RAP1GAP: variants seen among roughly 807,000 people sequenced by gnomAD.
The protein encoded by RAP1GAP is RAP1 GTPase activating protein, also known as rap1 GTPase-activating protein 1.
In RAP1GAP, 35 loss-of-function variants were observed where a neutral mutation model predicts 87.2. That is an observed-to-expected ratio of 0.40 (90% CI 0.31 to 0.53). The LOEUF (loss-of-function observed/expected upper bound fraction) is 0.53. Among genes scored for constraint, RAP1GAP ranks in the 20% least tolerant of loss-of-function variants. RAP1GAP has a pLI of 0.48. For synonymous variants in RAP1GAP, 375 were observed against 363.9 expected (o/e 1.03, Z -0.35); for missense variants, 734 against 898.9 (o/e 0.82, Z 2.35).
chr1:21,621,956 G>A (rs1051293435), intron 3 of RAP1GAP, among the ~76,000 whole-genome samples: 35 of 152,174 alleles, frequency 2.3e-4, no homozygotes, highest in African/African-American at 8.2e-4. Flanking sequence ...TGACACACGC[G>A]AGGGCTCTGA....
intron 3 of RAP1GAP, 143 bp downstream of exon 3, chr1:21,626,160 AC>A: frequency 1.5e-6 from 1 of 688,840 alleles, no homozygotes; most frequent in East Asian, 2.8e-5. Context: ...AGGAGTGGCA[AC>A]CCCTTAGGAG....
At position 21,603,069 on chromosome 1, in the gene RAP1GAP, A is replaced by C. The variant is rs538790572; in HGVS notation, c.1429-156T>G. Reference sequence around the variant, plus strand: ...TATCCATTCCCAGAGACAGCCTCCCAGTTTACGAAAGGGAAACAGTCCCCA... The same window carrying C: ...TATCCATTCCCAGAGACAGCCTCCCCGTTTACGAAAGGGAAACAGTCCCCA... On this transcript the variant is annotated intron_variant, in intron 18 of 24. Coordinates refer to ENST00000374765, the MANE Select transcript of RAP1GAP (RefSeq NM_002885.4). This position sits in a 1 kb window ranked among gnomAD's most constrained non-coding sequence, Gnocchi z 6.0. 1 of 603,790 alleles carries C rather than the reference A, an allele frequency of 1.7e-6. No individual in the cohort carries two copies. The highest frequency in any genetic ancestry group is 2.9e-6 in the Non-Finnish European group (1 of 344,074). The allele number at this position is 603,790 out of a possible 1,614,324, so 37.4% of individuals were successfully genotyped here. A position where few individuals can be genotyped will look rare whatever the true frequency, so the allele number is the denominator to read the frequency against.
At chr1:21,650,442 C>T (rs544525280) in intron 1 of RAP1GAP, among the ~76,000 whole-genome samples, 76 of 152,192 alleles carry the variant, frequency 5.0e-4, no homozygotes, top group East Asian at 5.8e-4. Context: ...GTAGCACTCC[C>T]GCCCCGCCCA....
At chr1:21,665,533 TG>T (rs2097313078) in intron 1 of RAP1GAP, among the ~76,000 whole-genome samples, 2 of 152,230 alleles carry the variant, frequency 1.3e-5, no homozygotes, top group African/African-American at 4.8e-5. Context: ...TATCATGTTT[TG>T]CTTCCTTTCT....
At chr1:21,608,803 T>C (rs1255546610) in intron 16 of RAP1GAP, 47 bp downstream of exon 16, 14 of 1,547,298 alleles carry the variant, frequency 9.0e-6, no homozygotes, top group Admixed American at 1.7e-5. Flanking sequence ...AAGTTATAGG[T>C]TGGAAGGTGA....
At chr1:21,650,531 T>C (rs1431813032) in intron 1 of RAP1GAP, among the ~76,000 whole-genome samples, 2 of 152,046 alleles carry the variant, frequency 1.3e-5, no homozygotes, top group African/African-American at 4.8e-5. Flanking sequence ...AACAAACAAC[T>C]CGCCTCCTGC....
chr1:21,645,783 G>A (rs2095998430), intron 2 of RAP1GAP, among the ~76,000 whole-genome samples: 1 of 152,236 alleles, frequency 6.6e-6, no homozygotes, highest in Admixed American at 6.5e-5. Context: ...CCAGCGGGCT[G>A]TGCCTGCTTG....
intron 22 of RAP1GAP, 67 bp downstream of exon 22, chr1:21,598,333 C>T (rs571898032): frequency 9.9e-6 from 14 of 1,409,492 alleles, no homozygotes; most frequent in African/African-American, 9.9e-5. Context: ...GGAACTGGTG[C>T]CCAGCCCTGT....
chr1:21,610,211 G>C lies in RAP1GAP; in HGVS notation c.908C>G (p.Pro303Arg). The change falls in exon 14 of 25, where the codon CCT (proline) becomes CGT (arginine). Residue 303 changes from proline to arginine, a missense_variant. Pro to Arg is a moderately radical substitution (Grantham distance 103). Coordinates refer to ENST00000374765, the MANE Select transcript of RAP1GAP (RefSeq NM_002885.4). ...VAVVFQDENT[P>R]FVPDMIASNF... ...GGACGCGATCATGTCGGGCACGAAA[G>C]GAGTGTTCTCATCCTGGAAGACCAC... 2.5e-6 allele frequency: 4 copies of C among 1,614,184 alleles called. No homozygotes were observed. The highest frequency in any genetic ancestry group is 3.4e-6 in the Non-Finnish European group (4 of 1,180,022).
At chr1:21,606,673 T>C (rs974022418) in intron 17 of RAP1GAP, among the ~76,000 whole-genome samples, 1 of 152,172 alleles carries the variant, frequency 6.6e-6, no homozygotes, top group Non-Finnish European at 1.5e-5. Context: ...TCCCACCCTC[T>C]TTCCTTGTTT....
At chr1:21,604,843 AGATG>A (rs369644872) in intron 18 of RAP1GAP, among the ~76,000 whole-genome samples, 35,396 of 121,342 alleles carry the variant, frequency 0.29, 5,530 homozygotes, top group Non-Finnish European at 0.34. Flanking sequence ...GGATGGATAG[AGATG>A]GATGGATGGA....
Position 21,617,314 on chromosome 1 carries a change from G to A in RAP1GAP, c.283C>T (p.Leu95Phe), listed in dbSNP as rs751885330. The change falls in exon 7 of 25, where the codon CTC becomes TTC. Residue 95 changes from leucine to phenylalanine, a missense_variant. This residue lies in a region of RAP1GAP where 485 missense variants were observed against 646.2 expected (regional missense o/e 0.75). Transcript: ENST00000374765. Reference protein sequence around the residue: ...PTARIYRKHFLGKEHFNYYSL... With the variant: ...PTARIYRKHFFGKEHFNYYSL... Reference sequence around the variant, plus strand: ...ACCAGCCGGCCACCCACCTTGCCGAGAAAGTGCTTCCGGTAGATGCGGGCT... The same window carrying A: ...ACCAGCCGGCCACCCACCTTGCCGAAAAAGTGCTTCCGGTAGATGCGGGCT... The A allele has an allele frequency of 8.9e-6, 14 of 1,574,514 alleles. No homozygotes were observed. The South Asian group carries it at 1.0e-4, about 12-fold the overall frequency.
intron 1 of RAP1GAP, among the ~76,000 whole-genome samples, chr1:21,664,480 C>G (rs765341724): frequency 6.6e-6 from 1 of 152,192 alleles, no homozygotes; most frequent in African/African-American, 2.4e-5. Flanking sequence ...ATGAATCCAA[C>G]CCAGTGTCCA....
At position 21,599,587 on chromosome 1, in the gene RAP1GAP, C is replaced by T. The variant is rs536126430; in HGVS notation, c.1683G>A (p.Ala561=). The T allele has an allele frequency of 8.1e-6, 13 of 1,607,972 alleles. No homozygotes were observed. The highest frequency in any genetic ancestry group is 1.7e-4 in the Middle Eastern group (1 of 5,902). Residue 561 remains alanine (A), a synonymous_variant, in exon 21 of 25, where the codon GCG becomes GCA. Coordinates refer to ENST00000374765, the MANE Select transcript of RAP1GAP (RefSeq NM_002885.4). The part of the protein sequence containing the change: ...RAETAAQRAE[A]LKDFSRSSSS... ...ACGAGGAGCGGGAGAAGTCCTTGAGCGCCTCTGCTCTCTGCGCTGCGGTCT... is the reference window on the plus strand; with the variant it reads ...ACGAGGAGCGGGAGAAGTCCTTGAGTGCCTCTGCTCTCTGCGCTGCGGTCT...
intron 2 of RAP1GAP, among the ~76,000 whole-genome samples, chr1:21,636,907 A>G (rs2094783027): frequency 9.0e-6 from 1 of 111,454 alleles, no homozygotes; most frequent in South Asian, 3.4e-4. Context: ...GAAGGAGGGA[A>G]GGAAGGAAGG....
chr1:21,599,646 T>A (rs751196560), intron 20 of RAP1GAP, 29 bp from the exon 21 acceptor site: 1 of 1,590,056 alleles, frequency 6.3e-7, no homozygotes, highest in African/African-American at 1.3e-5. Flanking sequence ...CATTAGCCGG[T>A]GTCCACCCCG....
intron 2 of RAP1GAP, among the ~76,000 whole-genome samples, chr1:21,632,741 A>C (rs1345717193): frequency 6.7e-6 from 1 of 149,642 alleles, no homozygotes; most frequent in Non-Finnish European, 1.5e-5. Flanking sequence ...CTTTACAAAA[A>C]AATTAAAAAC....
Position 21,613,006 on chromosome 1 carries a change from G to A in RAP1GAP, c.528+170C>T, listed in dbSNP as rs1001744417. The A allele has an allele frequency of 1.4e-6, 1 of 723,892 alleles. No homozygotes were observed. The highest frequency in any genetic ancestry group is 2.4e-6 in the Non-Finnish European group (1 of 413,966). The allele number at this position is 723,892 out of a possible 1,614,324, so 44.8% of individuals were successfully genotyped here. On this transcript the variant is annotated intron_variant, in intron 10 of 24. Transcript: ENST00000374765. The surrounding 1 kb of genome is among the most constrained non-coding windows in gnomAD (Gnocchi z 4.7). ...GCTGTGCACCCTGGGGGAAGGCACAGGCCCTTTCGGTGGCTCCTCTTCTGC... is the reference window on the plus strand; with the variant it reads ...GCTGTGCACCCTGGGGGAAGGCACAAGCCCTTTCGGTGGCTCCTCTTCTGC...
intron 23 of RAP1GAP, 78 bp from the exon 24 acceptor site, chr1:21,597,806 C>T: frequency 6.4e-7 from 1 of 1,571,066 alleles, no homozygotes; most frequent in Non-Finnish European, 8.7e-7. Context: ...TGCACAAAGT[C>T]ACTGGCTGTG....
Sources: gnomAD v4.1 joint callset for allele counts (sites outside exome capture counted in the v4.1 genomes callset) on GRCh38, gnomAD v4.1.1 for gene constraint, gnomAD v4.1.1 regional missense constraint, Gnocchi (gnomAD v3.1) non-coding constraint, MANE v1.5 for transcripts, NCBI Gene and HGNC (gene_info 2026-07-23, HGNC 2026-07-21) for gene names.